ACBD6: variants seen among roughly 807,000 people sequenced by gnomAD.
ACBD6 encodes acyl-CoA binding domain containing 6, also known as acyl-CoA-binding domain-containing protein 6.
In ACBD6, 28 loss-of-function variants were observed where a neutral mutation model predicts 37.2. That is an observed-to-expected ratio of 0.75 (90% CI 0.56 to 1.03). The LOEUF is 1.03. Among genes scored for constraint, ACBD6 ranks in the 50% least tolerant of loss-of-function variants. The pLI is 0.00. For synonymous variants in ACBD6, 113 were observed against 126.8 expected (o/e 0.89, Z 0.73); for missense variants, 340 against 337.4 (o/e 1.01, Z -0.06).
intron 5 of ACBD6, among the ~76,000 whole-genome samples, chr1:180,410,809 G>C (rs886522799): frequency 2.0e-5 from 3 of 152,160 alleles, no homozygotes; most frequent in Admixed American, 2.0e-4. Context: ...ATGGATCAAG[G>C]AATAATTTTG....
intron 5 of ACBD6, 137 bp downstream of exon 5, chr1:180,413,229 T>C (rs1647932731): frequency 1.4e-6 from 1 of 706,526 alleles, no homozygotes; most frequent in African/African-American, 1.7e-5. Flanking sequence ...GGTAACACCA[T>C]CTCATTTAGA....
At chr1:180,497,117 A>T (rs1157893191) in intron 1 of ACBD6, among the ~76,000 whole-genome samples, 2 of 152,232 alleles carry the variant, frequency 1.3e-5, no homozygotes, top group African/African-American at 4.8e-5. Context: ...AGAAATAATA[A>T]ATGAGATAAA....
intron 6 of ACBD6, among the ~76,000 whole-genome samples, chr1:180,382,091 G>A (rs1208125445): frequency 2.0e-5 from 3 of 149,174 alleles, no homozygotes; most frequent in East Asian, 1.9e-4. Flanking sequence ...CTCCAGCCTG[G>A]GTGACAGAAC....
At chr1:180,495,874 T>A (rs1483926338) in intron 1 of ACBD6, among the ~76,000 whole-genome samples, 1 of 152,178 alleles carries the variant, frequency 6.6e-6, no homozygotes, top group Non-Finnish European at 1.5e-5. Flanking sequence ...AGTAAAAGAA[T>A]TTTTAATATG....
intron 3 of ACBD6, among the ~76,000 whole-genome samples, chr1:180,476,515 T>A (rs1259685284): frequency 6.6e-6 from 1 of 152,130 alleles, no homozygotes; most frequent in Admixed American, 6.6e-5. Context: ...AATTTAAAAG[T>A]ACAATTGGCA....
intron 3 of ACBD6, among the ~76,000 whole-genome samples, chr1:180,472,801 CA>C (rs1261895691): frequency 6.6e-6 from 1 of 152,066 alleles, no homozygotes; most frequent in Non-Finnish European, 1.5e-5. Context: ...AAGACTTCAG[CA>C]AGAAACAGCA....
intron 7 of ACBD6, 94 bp from the exon 8 acceptor site, chr1:180,288,611 G>T: frequency 7.1e-7 from 1 of 1,407,446 alleles, no homozygotes; most frequent in Non-Finnish European, 9.8e-7. Context: ...GAGCAATAAG[G>T]AATACTGAAC....
chr1:180,496,036 A>G (rs1173707356), intron 1 of ACBD6, among the ~76,000 whole-genome samples: 1 of 152,340 alleles, frequency 6.6e-6, no homozygotes, highest in East Asian at 1.9e-4. Context: ...AAATTCATCA[A>G]TATAAATTTG....
At position 180,385,118 on chromosome 1, in the gene ACBD6, C is replaced by T. The variant is rs186577624; in HGVS notation, c.663+12398G>A. 4.6e-5 allele frequency among the ~76,000 whole-genome samples: 7 copies of T among 151,946 alleles called. No individual in the cohort carries two copies. In the East Asian group the frequency reaches 9.7e-4, roughly 21 times the overall value. ...GGGCTTTTACTACAGTTAGCAACAACGCATTGTATATTTCAAGGCAGTTAG... is the reference window on the plus strand; with the variant it reads ...GGGCTTTTACTACAGTTAGCAACAATGCATTGTATATTTCAAGGCAGTTAG... On this transcript the variant is annotated intron_variant, in intron 6 of 7. Transcript: ENST00000367595.
At chr1:180,270,914 AGGTG>A in exon 14 of ACBD6, 1 of 244,452 alleles carries the variant, frequency 4.1e-6, no homozygotes, top group South Asian at 5.0e-5. Flanking sequence ...GCCAGGGCAA[AGGTG>A]ACATGGCTGT....
chr1:180,378,873 C>CA (rs1653540262), intron 6 of ACBD6, among the ~76,000 whole-genome samples: 1 of 152,162 alleles, frequency 6.6e-6, no homozygotes, highest in Admixed American at 6.5e-5. Flanking sequence ...GCTTGGGTCC[C>CA]AGAGGGTTGT....
chr1:180,308,940 G>A (rs1650487499), intron 7 of ACBD6, among the ~76,000 whole-genome samples: 2 of 152,134 alleles, frequency 1.3e-5, no homozygotes, highest in South Asian at 2.1e-4. Flanking sequence ...TAATTAAGGT[G>A]TATCATATTC....
intron 6 of ACBD6, among the ~76,000 whole-genome samples, chr1:180,351,580 AC>A (rs1652420630): frequency 9.3e-6 from 1 of 107,688 alleles, no homozygotes; most frequent in Non-Finnish European, 1.8e-5. Context: ...GCCCGATATT[AC>A]GTTTTTTTTT....
chr1:180,345,912 A>T (rs772216970), intron 6 of ACBD6, among the ~76,000 whole-genome samples: 1 of 152,194 alleles, frequency 6.6e-6, no homozygotes, highest in Non-Finnish European at 1.5e-5. Context: ...AAAATTTTTA[A>T]AACCTTGAAA....
chr1:180,460,714 C>A (rs1650113436), intron 3 of ACBD6, among the ~76,000 whole-genome samples: 1 of 152,134 alleles, frequency 6.6e-6, no homozygotes, highest in Admixed American at 6.6e-5. Flanking sequence ...TCTTAAAAAA[C>A]AAAACAACAA....
chr1:180,431,850 T>A lies in ACBD6; in HGVS notation c.385-1588A>T, dbSNP rs6676650. 8.6e-3 allele frequency among the ~76,000 whole-genome samples: 1,313 copies of A among 152,210 alleles called. 22 individuals carry two copies. The highest frequency in any genetic ancestry group is 0.03 in the African/African-American group (1,261 of 41,518). On this transcript the variant is annotated intron_variant, in intron 3 of 7. Transcript: ENST00000367595. ...AAAGAATGACTCCTAGAAGGTAACA[T>A]GGCGGAAAATCTAGGTGATACTGGG... is the stretch of plus-strand genomic sequence containing the variant.
intron 7 of ACBD6, among the ~76,000 whole-genome samples, chr1:180,301,924 GA>G (rs2149284117): frequency 6.6e-6 from 1 of 152,040 alleles, no homozygotes; most frequent in East Asian, 1.9e-4. Context: ...ACGCAGTTAT[GA>G]TTTAATATTG....
chr1:180,369,427 G>GGTCTCT lies in ACBD6; in HGVS notation c.663+28088_663+28089insAGAGAC, dbSNP rs527931565. Among the ~76,000 whole-genome samples, 54 of 152,244 alleles carry GGTCTCT rather than the reference G, an allele frequency of 3.5e-4. No individual in the cohort carries two copies. In the East Asian group the frequency reaches 8.3e-3, roughly 23 times the overall value. On this transcript the variant is annotated intron_variant, in intron 6 of 7. Coordinates refer to ENST00000367595, the MANE Select transcript of ACBD6 (RefSeq NM_032360.4). ...TCTATATAAAGTCCACTGCATAACT[G>GGTCTCT]ATGGAAGATGTGATTTTAAAAGTAC...
intron 3 of ACBD6, among the ~76,000 whole-genome samples, chr1:180,490,456 A>G (rs1651448188): frequency 6.6e-6 from 1 of 151,350 alleles, no homozygotes; most frequent in Admixed American, 6.6e-5. Context: ...CAGCCTGGCC[A>G]ACATGGCAAA....
Sources: allele counts gnomAD v4.1 joint callset (sites outside exome capture counted in the v4.1 genomes callset), GRCh38; gene constraint gnomAD v4.1.1; transcripts MANE v1.5; gene names NCBI Gene and HGNC (gene_info 2026-07-23, HGNC 2026-07-21).